The following GATAD2B variants were observed in gnomAD, a reference collection of about 807,000 sequenced individuals.
The protein encoded by GATAD2B is GATA zinc finger domain containing 2B, also known as transcriptional repressor p66-beta.
In GATAD2B, 8 loss-of-function variants were observed where a neutral mutation model predicts 64.3. That is an observed-to-expected ratio of 0.12 (90% CI 0.07 to 0.22). The LOEUF is 0.22. GATAD2B is among the 10% of genes least tolerant of loss of function. GATAD2B has a pLI of 1.00. For synonymous variants in GATAD2B, 281 were observed against 271.3 expected (o/e 1.04, Z -0.35); for missense variants, 453 against 752.0 (o/e 0.60, Z 4.65).
intron 1 of GATAD2B, among the ~76,000 whole-genome samples, chr1:153,858,774 T>C (rs1284095272): frequency 6.6e-6 from 1 of 152,006 alleles, no homozygotes. Context: ...TGTATGTGGG[T>C]ATATATGTAT....
intron 1 of GATAD2B, among the ~76,000 whole-genome samples, chr1:153,829,966 C>CT (rs1426752882): frequency 6.6e-6 from 1 of 151,704 alleles, no homozygotes; most frequent in Non-Finnish European, 1.5e-5. Context: ...CATGGTGGAG[C>CT]TTTCATGTAG....
At chr1:153,895,139 C>A (rs1443489974) in intron 1 of GATAD2B, among the ~76,000 whole-genome samples, 1 of 152,048 alleles carries the variant, frequency 6.6e-6, no homozygotes, top group Non-Finnish European at 1.5e-5. Context: ...GCCTGGGCAA[C>A]AAGAGCGAAG....
At chr1:153,875,424 C>T (rs1371804702) in intron 1 of GATAD2B, among the ~76,000 whole-genome samples, 1 of 152,018 alleles carries the variant, frequency 6.6e-6, no homozygotes, top group Admixed American at 6.6e-5. Context: ...GCATTCAAAG[C>T]TGTCCTGGGC....
At chr1:153,810,435 A>C (rs1674255576) in intron 10 of GATAD2B, 125 bp from the exon 11 acceptor site, 2 of 883,664 alleles carry the variant, frequency 2.3e-6, no homozygotes, top group Non-Finnish European at 3.5e-6. Flanking sequence ...ATCTGGTCAC[A>C]CTTGGTTAGC....
At chr1:153,844,963 CT>C (rs1209178092) in intron 1 of GATAD2B, among the ~76,000 whole-genome samples, 1 of 151,574 alleles carries the variant, frequency 6.6e-6, no homozygotes, top group Non-Finnish European at 1.5e-5. Flanking sequence ...AACATGACCC[CT>C]AATGAGAAGA....
chr1:153,891,534 C>T (rs1257514776), intron 1 of GATAD2B, among the ~76,000 whole-genome samples: 3 of 136,508 alleles, frequency 2.2e-5, no homozygotes, highest in Non-Finnish European at 4.6e-5. Context: ...CGTGCCACTG[C>T]ACTCCAGCCT....
At chr1:153,841,757 TG>T (rs1411192927) in intron 1 of GATAD2B, among the ~76,000 whole-genome samples, 1 of 152,218 alleles carries the variant, frequency 6.6e-6, no homozygotes, top group Non-Finnish European at 1.5e-5. Flanking sequence ...TGAACATTCA[TG>T]GGAAAGTTTT....
intron 2 of GATAD2B, among the ~76,000 whole-genome samples, 162 bp from the exon 3 acceptor site, chr1:153,819,897 G>A (rs997522449): frequency 6.6e-6 from 1 of 151,988 alleles, no homozygotes; most frequent in African/African-American, 2.4e-5. Flanking sequence ...TCAGGAGTTC[G>A]AGACCAGCCT....
intron 1 of GATAD2B, among the ~76,000 whole-genome samples, chr1:153,913,188 A>G (rs559972515): frequency 6.6e-6 from 1 of 151,876 alleles, no homozygotes; most frequent in African/African-American, 2.4e-5. Flanking sequence ...TCAGCCTCCC[A>G]AAGTGCTGGG....
intron 1 of GATAD2B, among the ~76,000 whole-genome samples, 195 bp downstream of exon 1, chr1:153,922,538 T>C (rs960100860): frequency 5.2e-4 from 6 of 11,630 alleles, no homozygotes; most frequent in Admixed American, 4.3e-3. Context: ...CGTGCCGGGG[T>C]GGGGGGAGGG....
chr1:153,858,643 AG>A (rs1441253305), intron 1 of GATAD2B, among the ~76,000 whole-genome samples: 2 of 152,136 alleles, frequency 1.3e-5, no homozygotes, highest in Non-Finnish European at 2.9e-5. Context: ...CTGAGGCGTG[AG>A]GATCACTTGG....
chr1:153,830,634 C>G (rs1013070133), intron 1 of GATAD2B, among the ~76,000 whole-genome samples: 3 of 150,062 alleles, frequency 2.0e-5, no homozygotes, highest in Admixed American at 2.0e-4. Context: ...CGCCACTACG[C>G]CCGGCTAATT....
chr1:153,817,082 G>C (rs936783824), intron 6 of GATAD2B, among the ~76,000 whole-genome samples: 11 of 152,110 alleles, frequency 7.2e-5, no homozygotes, highest in Non-Finnish European at 1.6e-4. Context: ...ATAAGATTTT[G>C]CTTTCTGTCA....
chr1:153,889,447 A>T (rs923636523), intron 1 of GATAD2B, among the ~76,000 whole-genome samples: 1 of 151,576 alleles, frequency 6.6e-6, no homozygotes, highest in Admixed American at 6.6e-5. Flanking sequence ...CACACAAAAC[A>T]AAGAATGTAC....
chr1:153,824,612 T>A (rs1476941724), intron 2 of GATAD2B, among the ~76,000 whole-genome samples: 1 of 96,698 alleles, frequency 1.0e-5, no homozygotes, highest in Non-Finnish European at 1.9e-5. Flanking sequence ...ACTCTGCCTT[T>A]AAAAAAAAAA....
intron 1 of GATAD2B, among the ~76,000 whole-genome samples, chr1:153,868,787 G>A (rs1676562081): frequency 6.7e-6 from 1 of 149,214 alleles, no homozygotes; most frequent in Non-Finnish European, 1.5e-5. Context: ...CCAGGGTGGA[G>A]TGCAGTGGCA....
intron 1 of GATAD2B, among the ~76,000 whole-genome samples, chr1:153,873,319 G>A (rs1052634535): frequency 6.6e-6 from 1 of 152,078 alleles, no homozygotes; most frequent in Non-Finnish European, 1.5e-5. Context: ...TCTCTTCTTT[G>A]TACTTCGCTT....
chr1:153,909,665 G>C (rs1475244175), intron 1 of GATAD2B, among the ~76,000 whole-genome samples: 1 of 151,274 alleles, frequency 6.6e-6, no homozygotes, highest in Non-Finnish European at 1.5e-5. Context: ...AGGCGTGGTA[G>C]CTCAAGCCTA....
chr1:153,862,606 A>G (rs1676345815), intron 1 of GATAD2B, among the ~76,000 whole-genome samples: 1 of 152,178 alleles, frequency 6.6e-6, no homozygotes, highest in East Asian at 1.9e-4. Context: ...AATGTTACTC[A>G]AAGTGTGGGC....
Sources: allele counts gnomAD v4.1 joint callset (sites outside exome capture counted in the v4.1 genomes callset), GRCh38; gene constraint gnomAD v4.1.1; transcripts MANE v1.5; gene names NCBI Gene and HGNC (gene_info 2026-07-23, HGNC 2026-07-21).